The following SAMD5 variants were observed in gnomAD, a reference collection of about 807,000 sequenced individuals.
SAMD5 encodes the protein sterile alpha motif domain-containing protein 5.
Under a neutral mutation model 11.3 loss-of-function variants are expected in SAMD5, and 13 were observed. That is an observed-to-expected ratio of 1.15 (90% CI 0.75 to 1.83). The LOEUF (loss-of-function observed/expected upper bound fraction) is 1.83. SAMD5 is among the 40% of genes most tolerant of loss of function. The pLI is 0.00. For missense variants in SAMD5, 255 were observed against 239.1 expected, an observed-to-expected ratio of 1.07 and a Z score of -0.44; for synonymous variants, 129 against 111.3, an observed-to-expected ratio of 1.16 and a Z score of -1.00.
In SAMD5 at chr6:147,564,474, T is replaced by G; in HGVS notation, c.*18T>G. 1.3e-6 allele frequency: 1 copy of G among 789,740 alleles called. No homozygotes were observed. The highest frequency in any genetic ancestry group is 2.3e-6 in the Non-Finnish European group (1 of 426,312). The allele number at this position is 789,740 out of a possible 1,614,324, so 48.9% of individuals were successfully genotyped here. Reference sequence around the variant, plus strand: ...GCCGCTAGATATCATTTTTGAGACCTCGTGGAGGACTGATGAGGTGCCTGA... The same window carrying G: ...GCCGCTAGATATCATTTTTGAGACCGCGTGGAGGACTGATGAGGTGCCTGA... On this transcript the variant is annotated 3_prime_UTR_variant, in exon 2 of 2. Coordinates refer to ENST00000367474, the MANE Select transcript of SAMD5 (RefSeq NM_001030060.3).
chr6:147,559,250 C>T (rs1028710765), intron 1 of SAMD5, among the ~76,000 whole-genome samples: 2 of 152,112 alleles, frequency 1.3e-5, no homozygotes, highest in Non-Finnish European at 2.9e-5. Context: ...TTCTCAGAAG[C>T]GTCAGTGATG....
intron 1 of SAMD5, chr6:147,737,222 G>A (rs1266812051): frequency 2.2e-5 from 11 of 504,074 alleles, no homozygotes; most frequent in Non-Finnish European, 3.2e-5. Context: ...TCCTCGGGAA[G>A]GGTGAGTTTT....
chr6:147,874,044 G>A, the SAMD5 span, among the ~76,000 whole-genome samples: 1 of 152,194 alleles, frequency 6.6e-6, no homozygotes, highest in African/African-American at 2.4e-5. Flanking sequence ...ATGTATATAG[G>A]AGAAATCTGT....
chr6:147,598,534 G>C (rs963926435), intron 1 of SAMD5, among the ~76,000 whole-genome samples: 2 of 152,158 alleles, frequency 1.3e-5, no homozygotes, highest in African/African-American at 4.8e-5. Context: ...CTGGGTTCGA[G>C]GCATTCATCT....
At chr6:147,551,228 T>A (rs1180576297) in intron 1 of SAMD5, among the ~76,000 whole-genome samples, 2 of 152,190 alleles carry the variant, frequency 1.3e-5, no homozygotes, top group Non-Finnish European at 2.9e-5. Context: ...GTTCCCTTTT[T>A]GCCTCCTCAT....
rs1400469496 is a variant in SAMD5 at position 147,509,306 on chromosome 6, C to T, written c.378C>T (p.Pro126=). 3 of 1,579,576 alleles carry T rather than the reference C, an allele frequency of 1.9e-6. No homozygotes were observed. The highest frequency in any genetic ancestry group is 2.6e-6 in the Non-Finnish European group (3 of 1,165,030). ...GCAGCAGGGAGCTGGTGAGCTACCC[C>T]AAACTGAAGCTGAAGATCATGATCA... ...APRSRELVSY[P]KLKLKIMIRD... Residue 126 remains proline, a synonymous_variant, in exon 1 of 2, where the codon CCC becomes CCT. Coordinates refer to ENST00000367474, the MANE Select transcript of SAMD5 (RefSeq NM_001030060.3).
intron 1 of SAMD5, among the ~76,000 whole-genome samples, chr6:147,623,283 C>T (rs957689690): frequency 1.3e-5 from 2 of 152,222 alleles, no homozygotes; most frequent in African/African-American, 2.4e-5. Context: ...AGCCATTTAG[C>T]TATTCTCTTC....
intron 1 of SAMD5, among the ~76,000 whole-genome samples, chr6:147,703,470 A>AT (rs1187403361): frequency 2.2e-4 from 33 of 152,206 alleles, no homozygotes; most frequent in Admixed American, 5.2e-4. Flanking sequence ...GTATCTTACC[A>AT]TTAAGTAGTT....
chr6:147,750,545 C>T, the SAMD5 span, among the ~76,000 whole-genome samples: 5 of 152,196 alleles, frequency 3.3e-5, no homozygotes, highest in African/African-American at 9.6e-5. Context: ...TCTCCTGTGA[C>T]CTCCCTTGCA....
At chr6:147,710,836 C>T (rs1329152621) in intron 1 of SAMD5, among the ~76,000 whole-genome samples, 1 of 152,004 alleles carries the variant, frequency 6.6e-6, no homozygotes, top group Non-Finnish European at 1.5e-5. Context: ...ATAAGGGGGA[C>T]TACTATACTT....
chr6:147,525,573 T>G (rs1203739271), intron 1 of SAMD5, among the ~76,000 whole-genome samples: 2 of 152,012 alleles, frequency 1.3e-5, no homozygotes, highest in African/African-American at 2.4e-5. Context: ...GCTTGTGACT[T>G]GGCATTGTTG....
At chr6:147,620,010 A>G (rs1403043279) in intron 1 of SAMD5, among the ~76,000 whole-genome samples, 1 of 152,234 alleles carries the variant, frequency 6.6e-6, no homozygotes. Flanking sequence ...TAAGGCTTCT[A>G]CGTGAAATAT....
the SAMD5 span, among the ~76,000 whole-genome samples, chr6:147,825,712 C>CA: frequency 6.6e-6 from 1 of 152,062 alleles, no homozygotes; most frequent in Non-Finnish European, 1.5e-5. Context: ...AGATATATTT[C>CA]AAAATTTTAA....
chr6:147,718,766 C>G (rs1791503459), intron 1 of SAMD5, among the ~76,000 whole-genome samples: 1 of 152,078 alleles, frequency 6.6e-6, no homozygotes, highest in African/African-American at 2.4e-5. Flanking sequence ...TCTTGGCTCA[C>G]TGCAGCCTCC....
the SAMD5 span, among the ~76,000 whole-genome samples, chr6:147,903,533 C>G: frequency 6.6e-6 from 1 of 152,160 alleles, no homozygotes; most frequent in Non-Finnish European, 1.5e-5. Flanking sequence ...CAAATGGAAG[C>G]TGATTCACTG....
intron 1 of SAMD5, among the ~76,000 whole-genome samples, chr6:147,640,671 C>T (rs1369258885): frequency 6.6e-6 from 1 of 151,744 alleles, no homozygotes; most frequent in African/African-American, 2.4e-5. Flanking sequence ...TAAACCAGTC[C>T]CATCCCATTT....
At chr6:147,722,727 T>A (rs1039294933) in intron 1 of SAMD5, among the ~76,000 whole-genome samples, 2 of 152,210 alleles carry the variant, frequency 1.3e-5, no homozygotes, top group African/African-American at 4.8e-5. Flanking sequence ...TTTATGTGCC[T>A]TGTTATTTTT....
intron 1 of SAMD5, among the ~76,000 whole-genome samples, chr6:147,562,716 G>A (rs888206242): frequency 1.6e-4 from 24 of 152,150 alleles, no homozygotes; most frequent in Non-Finnish European, 2.9e-4. Context: ...CAGCTATTCG[G>A]GAGGCTGAGG....
At chr6:147,830,251 C>CTTTTTTTTTTTTTTTTTTTTTTTT in the SAMD5 span, among the ~76,000 whole-genome samples, 17 of 84,932 alleles carry the variant, frequency 2.0e-4, no homozygotes, top group African/African-American at 2.8e-4. Flanking sequence ...TTCTTTCTTT[C>CTTTTTTTTTTTTTTTTTTTTTTTT]TTTTTTTTTT....
Sources: allele counts gnomAD v4.1 joint callset (sites outside exome capture counted in the v4.1 genomes callset), GRCh38; gene constraint gnomAD v4.1.1; transcripts MANE v1.5; gene names NCBI Gene and HGNC (gene_info 2026-07-23, HGNC 2026-07-21).